Variants in CIMIP2A observed in about 807,000 individuals in gnomAD.
CIMIP2A encodes family with sequence similarity 166 member A.
chr9:137,251,227 C>T, the CIMIP2A span: 13 of 1,136,046 alleles, frequency 1.1e-5, no homozygotes, highest in Non-Finnish European at 1.6e-5. Flanking sequence ...AACAGAGGGG[C>T]CTACCAGTGA....
the CIMIP2A span, among the ~76,000 whole-genome samples, chr9:137,253,848 C>T: frequency 5.9e-5 from 9 of 152,182 alleles, no homozygotes; most frequent in African/African-American, 1.9e-4. Context: ...CAGGGATCTG[C>T]TCACCAGGGC....
At chr9:137,245,056 G>A in the CIMIP2A span, 9 of 1,610,240 alleles carry the variant, frequency 5.6e-6, no homozygotes, top group South Asian at 9.9e-5. Flanking sequence ...GGGAGGGGCG[G>A]CCTTCTCCAG....
chr9:137,245,301 G>A, the CIMIP2A span: 3 of 1,581,084 alleles, frequency 1.9e-6, no homozygotes, highest in Non-Finnish European at 2.6e-6. Context: ...TGCATCCCCT[G>A]GCTGCCTGGT....
At chr9:137,244,773 C>A in the CIMIP2A span, 1 of 1,602,674 alleles carries the variant, frequency 6.2e-7, no homozygotes, top group Non-Finnish European at 8.5e-7. Context: ...CCCCAAGCCC[C>A]CTTAGCCTTC....
the CIMIP2A span, chr9:137,245,429 T>G: frequency 1.6e-4 from 263 of 1,613,220 alleles, 1 homozygote; most frequent in Admixed American, 5.3e-4. Flanking sequence ...GGGTGCGGGG[T>G]GTCGGGCGTG....
chr9:137,253,370 GATGCACCCTTCTGGCTGGCCAACCCTTCT>G, the CIMIP2A span: 4,508 of 1,534,214 alleles, frequency 2.9e-3, 68 homozygotes, highest in East Asian at 0.047. Context: ...TGGGCACCCC[GATGCACCCTTCTGGCTGGCCAACCCTTCT>G]ATGGGCTGTG....
the CIMIP2A span, chr9:137,251,013 A>G: frequency 2.2e-6 from 1 of 449,624 alleles, no homozygotes; most frequent in Non-Finnish European, 4.1e-6. Flanking sequence ...CTCCCAGGAG[A>G]CCCCAGGGTG....
At chr9:137,245,485 G>A in the CIMIP2A span, 5 of 1,613,900 alleles carry the variant, frequency 3.1e-6, no homozygotes, top group Non-Finnish European at 2.5e-6. Flanking sequence ...CTCTACCCCT[G>A]GCGGCTCCTG....
the CIMIP2A span, among the ~76,000 whole-genome samples, chr9:137,246,241 A>G: frequency 6.6e-6 from 1 of 152,174 alleles, no homozygotes; most frequent in Non-Finnish European, 1.5e-5. Flanking sequence ...GGACCCTTGG[A>G]CACACGCAGG....
chr9:137,252,511 G>A, the CIMIP2A span: 21 of 1,495,636 alleles, frequency 1.4e-5, no homozygotes, highest in Admixed American at 1.8e-4. Flanking sequence ...AGCTGACTTC[G>A]ACCAAGAGCA....
the CIMIP2A span, chr9:137,245,370 T>C: frequency 2.9e-5 from 46 of 1,612,140 alleles, no homozygotes; most frequent in East Asian, 8.5e-4. Context: ...CCCCGTATAC[T>C]GGGTGTCCCA....
chr9:137,244,732 A>G, the CIMIP2A span: 66,286 of 1,612,728 alleles, frequency 0.041, 1,949 homozygotes, highest in East Asian at 0.12. Context: ...TGAAGCCAGC[A>G]TAGCCTGGGG....
the CIMIP2A span, chr9:137,245,008 A>G: frequency 9.3e-6 from 15 of 1,609,566 alleles, no homozygotes; most frequent in South Asian, 2.2e-5. Flanking sequence ...CCCCTGTGGC[A>G]GCCTCCTCAG....
the CIMIP2A span, chr9:137,253,357 C>T: frequency 7.1e-6 from 11 of 1,542,000 alleles, no homozygotes; most frequent in Non-Finnish European, 9.6e-6. Flanking sequence ...CCTTCTGACC[C>T]TCTGGGCACC....
the CIMIP2A span, among the ~76,000 whole-genome samples, chr9:137,249,163 C>A: frequency 3.0e-3 from 456 of 152,142 alleles, 1 homozygote; most frequent in African/African-American, 0.01. Flanking sequence ...GCCAATATGA[C>A]CTTTTTAAGA....
chr9:137,243,864 A>AG, the CIMIP2A span: 1 of 1,502,132 alleles, frequency 6.7e-7, no homozygotes, highest in Non-Finnish European at 9.3e-7. Flanking sequence ...CAGGCTTCAG[A>AG]GAAGTGTGGG....
chr9:137,252,017 C>A, the CIMIP2A span: 66 of 1,612,038 alleles, frequency 4.1e-5, no homozygotes, highest in Non-Finnish European at 5.4e-5. Context: ...AGCAACGCCC[C>A]CTGATCACAG....
chr9:137,247,962 C>T, the CIMIP2A span, among the ~76,000 whole-genome samples: 1 of 152,218 alleles, frequency 6.6e-6, no homozygotes, highest in Non-Finnish European at 1.5e-5. Context: ...CCATTAACTT[C>T]AGAGCTCAGA....
chr9:137,251,848 C>A, the CIMIP2A span: 1 of 1,607,302 alleles, frequency 6.2e-7, no homozygotes, highest in Non-Finnish European at 8.5e-7. Context: ...CAGACGGGCA[C>A]CCCCCAGGAG....
Sources: allele counts gnomAD v4.1 joint callset (sites outside exome capture counted in the v4.1 genomes callset), GRCh38; gene constraint gnomAD v4.1.1; transcripts MANE v1.5; gene names NCBI Gene and HGNC (gene_info 2026-07-23, HGNC 2026-07-21).